The following AGBL4 variants were observed in gnomAD, a reference collection of about 807,000 sequenced individuals.
AGBL4 encodes the protein AGBL carboxypeptidase 4.
AGBL4 carries 58 observed loss-of-function variants against 66.4 expected under a neutral mutation model. That is an observed-to-expected ratio of 0.87 (90% CI 0.71 to 1.09). The LOEUF (loss-of-function observed/expected upper bound fraction) is 1.09. AGBL4 is among the 50% of genes least tolerant of loss of function. The pLI is 0.00. For missense variants in AGBL4, 579 were observed against 631.0 expected, an observed-to-expected ratio of 0.92 and a Z score of 0.88; for synonymous variants, 234 against 222.9, an observed-to-expected ratio of 1.05 and a Z score of -0.44.
intron 3 of AGBL4, among the ~76,000 whole-genome samples, chr1:49,253,525 G>C (rs184625012): frequency 6.6e-6 from 1 of 152,222 alleles, no homozygotes; most frequent in Admixed American, 6.5e-5. Context: ...AATTGAGGCA[G>C]TAATACATAG....
intron 6 of AGBL4, among the ~76,000 whole-genome samples, chr1:48,844,446 T>G (rs1394291219): frequency 6.6e-6 from 1 of 152,216 alleles, no homozygotes; most frequent in African/African-American, 2.4e-5. Context: ...AAAAATTTTA[T>G]TTGACACCAG....
intron 3 of AGBL4, among the ~76,000 whole-genome samples, chr1:49,399,919 C>T (rs753688919): frequency 2.0e-5 from 3 of 151,988 alleles, no homozygotes; most frequent in Non-Finnish European, 4.4e-5. Flanking sequence ...AGAAACTCTC[C>T]AGTCCAATGT....
intron 1 of AGBL4, among the ~76,000 whole-genome samples, chr1:49,980,316 T>C (rs2148383024): frequency 6.6e-6 from 1 of 152,328 alleles, no homozygotes; most frequent in South Asian, 2.1e-4. Flanking sequence ...AGTTCACTAG[T>C]GATAGATATA....
chr1:49,207,533 TTTTC>T (rs1648282799), intron 4 of AGBL4, among the ~76,000 whole-genome samples: 1 of 118,112 alleles, frequency 8.5e-6, no homozygotes, highest in African/African-American at 3.0e-5. Flanking sequence ...CTCTCTTTCT[TTTTC>T]TTTCTTTTCT....
intron 2 of AGBL4, chr1:49,845,108 A>G: frequency 6.9e-7 from 1 of 1,449,380 alleles, no homozygotes; most frequent in East Asian, 2.3e-5. Flanking sequence ...GCCTTTAGTC[A>G]CAGCTCAGCA....
At chr1:48,938,604 T>C (rs779232824) in intron 5 of AGBL4, among the ~76,000 whole-genome samples, 1 of 152,190 alleles carries the variant, frequency 6.6e-6, no homozygotes, top group Non-Finnish European at 1.5e-5. Context: ...GAAGCTGATA[T>C]TAGGGCATCT....
At chr1:49,932,707 C>G (rs925238649) in intron 1 of AGBL4, among the ~76,000 whole-genome samples, 15 of 152,054 alleles carry the variant, frequency 9.9e-5, no homozygotes, top group African/African-American at 3.6e-4. Context: ...CTTTCCTCCC[C>G]ACAAACCCTC....
intron 3 of AGBL4, among the ~76,000 whole-genome samples, chr1:49,322,728 A>T (rs138283165): frequency 7.0e-4 from 107 of 152,352 alleles, no homozygotes; most frequent in African/African-American, 2.4e-3. Context: ...TTCCAGAACA[A>T]GTGTGGCCTT....
intron 3 of AGBL4, among the ~76,000 whole-genome samples, chr1:49,391,461 A>G (rs1301053430): frequency 6.6e-6 from 1 of 152,150 alleles, no homozygotes; most frequent in Non-Finnish European, 1.5e-5. Flanking sequence ...AGACAGTGGC[A>G]GTGTGGATAG....
intron 1 of AGBL4, among the ~76,000 whole-genome samples, chr1:49,906,686 T>C (rs941403313): frequency 1.9e-4 from 29 of 151,922 alleles, no homozygotes; most frequent in African/African-American, 6.8e-4. Flanking sequence ...AACAATAAGA[T>C]GTGATATATG....
At chr1:48,615,514 C>T (rs1645304275) in intron 9 of AGBL4, among the ~76,000 whole-genome samples, 1 of 152,128 alleles carries the variant, frequency 6.6e-6, no homozygotes, top group African/African-American at 2.4e-5. Context: ...TCTTCAAAAC[C>T]TTAAAAGTTC....
chr1:49,720,564 T>C lies in AGBL4; in HGVS notation c.158-23127A>G, dbSNP rs190058641. ...GTGATTAAAAGCATATACTTTGGAA[T>C]AATACTGCCTGGGTTCACATCACAT... On this transcript the variant is annotated intron_variant, in intron 2 of 13. Transcript: ENST00000371839. Among the ~76,000 whole-genome samples, 516 of 152,274 alleles carry C rather than the reference T, an allele frequency of 3.4e-3. 1 individual carries two copies. Among genetic ancestry groups the C allele is most frequent in the African/African-American group, 0.012 (487 of 41,574 alleles).
intron 1 of AGBL4, among the ~76,000 whole-genome samples, chr1:50,021,378 C>T (rs573810747): frequency 1.1e-4 from 17 of 152,278 alleles, no homozygotes; most frequent in Admixed American, 3.3e-4. Context: ...TTACACTTTT[C>T]TTGTAAATTC....
rs144312841 is a variant in AGBL4 at position 48,693,249 on chromosome 1, G to C, written c.635-30008C>G. 2.6e-3 allele frequency among the ~76,000 whole-genome samples: 390 copies of C among 150,298 alleles called. 1 individual carries two copies. The highest frequency in any genetic ancestry group is 9.4e-3 in the African/African-American group (381 of 40,674). On this transcript the variant is annotated intron_variant, in intron 6 of 13. Transcript: ENST00000371839. ...TTGAGTGCCCAGTGAGCATTGGCTG[G>C]GAAAGGGAGTGTATCTGAAGACTAT...
chr1:49,580,601 A>G (rs1047244801), intron 3 of AGBL4, among the ~76,000 whole-genome samples: 3 of 152,200 alleles, frequency 2.0e-5, no homozygotes, highest in Non-Finnish European at 4.4e-5. Context: ...AAAGTCCCTC[A>G]GCATTTGCTT....
chr1:49,168,762 C>A (rs1430032765), intron 4 of AGBL4, among the ~76,000 whole-genome samples: 1 of 152,164 alleles, frequency 6.6e-6, no homozygotes, highest in Non-Finnish European at 1.5e-5. Context: ...TATTGGCTCA[C>A]CTAACTGGAT....
chr1:48,817,764 C>A, intron 6 of AGBL4: 1 of 375,388 alleles, frequency 2.7e-6, no homozygotes, highest in Non-Finnish European at 4.8e-6. Context: ...CAGCCTGGTG[C>A]TGCAGCTTTG....
chr1:48,595,704 A>T (rs1644984405), intron 9 of AGBL4, among the ~76,000 whole-genome samples: 2 of 152,258 alleles, frequency 1.3e-5, no homozygotes, highest in Non-Finnish European at 2.9e-5. Flanking sequence ...TATTTGCAAC[A>T]TAATTTAGTG....
intron 5 of AGBL4, among the ~76,000 whole-genome samples, chr1:48,940,773 G>A (rs1289254219): frequency 6.6e-6 from 1 of 152,182 alleles, no homozygotes. Context: ...GGCAGCTACT[G>A]AAAAGTTCAG....
Sources: gnomAD v4.1 joint callset for allele counts (sites outside exome capture counted in the v4.1 genomes callset) on GRCh38, gnomAD v4.1.1 for gene constraint, MANE v1.5 for transcripts, NCBI Gene and HGNC (gene_info 2026-07-23, HGNC 2026-07-21) for gene names.